ZZEF1: variants seen among roughly 807,000 people sequenced by gnomAD.
ZZEF1 encodes zinc finger ZZ-type and EF-hand domain-containing protein 1.
A neutral mutation model predicts 342.8 loss-of-function variants in ZZEF1; 157 were observed. The ratio of observed to expected loss-of-function variants is 0.46; its 90% CI spans 0.40 to 0.52. The LOEUF is 0.52. Among genes scored for constraint, ZZEF1 ranks in the 20% least tolerant of loss-of-function variants. ZZEF1 has a pLI of 0.00. For synonymous variants in ZZEF1, 1,505 were observed against 1,429.1 expected, an observed-to-expected ratio of 1.05 and a Z score of -1.20; for missense variants, 3,480 against 3,725.6, an observed-to-expected ratio of 0.93 and a Z score of 1.72.
chr17:4,078,590 G>A (rs1483700413), intron 18 of ZZEF1, among the ~76,000 whole-genome samples: 5 of 152,226 alleles, frequency 3.3e-5, no homozygotes, highest in East Asian at 1.9e-4. Context: ...CACAAGCTTC[G>A]GGATGATGGT....
intron 53 of ZZEF1, 111 bp from the exon 54 acceptor site, chr17:4,009,065 G>C: frequency 7.8e-7 from 1 of 1,280,464 alleles, no homozygotes; most frequent in Non-Finnish European, 1.1e-6. Flanking sequence ...ATGGGCGGAC[G>C]CTACTCACGC....
chr17:4,047,897 T>C (rs1468533301), intron 37 of ZZEF1, among the ~76,000 whole-genome samples: 2 of 151,066 alleles, frequency 1.3e-5, no homozygotes, highest in African/African-American at 2.4e-5. Flanking sequence ...GCCAAGATCA[T>C]ACCACTGCAC....
intron 2 of ZZEF1, among the ~76,000 whole-genome samples, chr17:4,122,379 T>G (rs1221597473): frequency 2.0e-5 from 3 of 151,932 alleles, no homozygotes; most frequent in African/African-American, 4.8e-5. Context: ...GCCATGTCTT[T>G]TCTTTTTTTT....
At chr17:4,099,010 G>A (rs1266976811) in intron 9 of ZZEF1, among the ~76,000 whole-genome samples, 1 of 152,166 alleles carries the variant, frequency 6.6e-6, no homozygotes, top group Non-Finnish European at 1.5e-5. Context: ...AAAGTTAAGT[G>A]ATAAATCAGC....
At position 4,056,202 on chromosome 17, in the gene ZZEF1, T is replaced by G; in HGVS notation, c.5295+14A>C. The G allele has an allele frequency of 6.4e-7, 1 of 1,568,958 alleles. No individual in the cohort carries two copies. Among genetic ancestry groups the G allele is most frequent in the Non-Finnish European group, 8.6e-7 (1 of 1,157,460 alleles). The stretch of plus-strand genomic sequence containing the variant: ...AGCAAATCACTTCAGAGTACTCTAG[T>G]TGAGAGGTCTTACTTTCCTCTGCTT... On this transcript the variant is annotated intron_variant, in intron 33 of 54. Coordinates refer to ENST00000381638, the MANE Select transcript of ZZEF1 (RefSeq NM_015113.4).
At position 4,088,562 on chromosome 17, in the gene ZZEF1, A is replaced by G. The variant is rs368500834; in HGVS notation, c.2241+116T>C. 78 of 1,081,228 alleles carry G rather than the reference A, an allele frequency of 7.2e-5. No homozygotes were observed. In the East Asian group the frequency reaches 1.0e-3, roughly 14 times the overall value. The allele number at this position is 1,081,228 out of a possible 1,614,324, so 67.0% of individuals were successfully genotyped here. ...CTTTTCATGTCCCTGCAGCAGTACA[A>G]TGCCCATCCTATTGGCTTCCGCAGG... On this transcript the variant is annotated intron_variant, in intron 13 of 54. Transcript: ENST00000381638.
Position 4,095,835 on chromosome 17 carries a change from T to C in ZZEF1, c.1909A>G (p.Ser637Gly), listed in dbSNP as rs1432245504. 2 of 1,606,214 alleles carry C rather than the reference T, an allele frequency of 1.2e-6. No individual in the cohort carries two copies. Among genetic ancestry groups the C allele is most frequent in the East Asian group, 2.2e-5 (1 of 44,796 alleles). The change falls in exon 11 of 55, where the codon AGC becomes GGC. Residue 637 changes from serine (S) to glycine (G), a missense_variant. By Grantham distance (56) the Ser-to-Gly change is moderately conservative. Around this residue, in one of 5 missense-constraint regions of ZZEF1, gnomAD observed 1,528 missense variants for 1,624.1 expected, o/e 0.94. Transcript: ENST00000381638. ...AAAGATTTTTTACCTTCTTACCTGC[T>C]TTTTACAAATTGCCTGAGCTCCTGA... ...KLQELRQFVK[S>G]RIGCSSDDLG...
At chr17:4,103,806 GGTA>G (rs2058165864) in intron 8 of ZZEF1, among the ~76,000 whole-genome samples, 1 of 152,184 alleles carries the variant, frequency 6.6e-6, no homozygotes, top group African/African-American at 2.4e-5. Flanking sequence ...TGTGGTCCCA[GGTA>G]CTCGGGAGAG....
At position 4,077,004 on chromosome 17, in the gene ZZEF1, A is replaced by C; in HGVS notation, c.2990-15T>G. The C allele has an allele frequency of 1.9e-6, 3 of 1,602,378 alleles. No homozygotes were observed. ...CTGGCCCACATCTACCGAAACAAAG[A>C]AAATAATTAATATATTATATAGTAG... On this transcript the variant is annotated splice_polypyrimidine_tract_variant and intron_variant, in intron 19 of 54. Transcript: ENST00000381638.
At chr17:4,126,908 A>G (rs61188230) in intron 1 of ZZEF1, among the ~76,000 whole-genome samples, 13 of 152,128 alleles carry the variant, frequency 8.5e-5, no homozygotes, top group Admixed American at 5.9e-4. Context: ...TGGAGGTTGC[A>G]GTGAGCCAAA....
intron 11 of ZZEF1, among the ~76,000 whole-genome samples, chr17:4,092,612 T>C (rs1275489400): frequency 6.6e-6 from 1 of 152,138 alleles, no homozygotes; most frequent in Admixed American, 6.6e-5. Flanking sequence ...CCCGGCAAAA[T>C]GTCCCTTCTT....
chr17:4,063,931 T>A (rs1336944420), intron 29 of ZZEF1, among the ~76,000 whole-genome samples: 1 of 152,084 alleles, frequency 6.6e-6, no homozygotes. Flanking sequence ...TTTCACCATG[T>A]TGGCCAGGCA....
intron 9 of ZZEF1, 120 bp downstream of exon 9, chr17:4,102,197 T>A (rs1450049728): frequency 2.3e-6 from 2 of 856,224 alleles, no homozygotes; most frequent in African/African-American, 3.4e-5. Flanking sequence ...CACTGCCAAC[T>A]GAGAAACAAC....
intron 39 of ZZEF1, among the ~76,000 whole-genome samples, chr17:4,041,169 C>G (rs980811433): frequency 1.3e-5 from 2 of 152,180 alleles, no homozygotes; most frequent in Non-Finnish European, 2.9e-5. Flanking sequence ...CCGGCCAATT[C>G]ATCCAGGTGA....
At position 4,004,786 on chromosome 17, in the gene ZZEF1, T is replaced by TCGGCAGCGCCACC. The variant is rs2055768041; in HGVS notation, c.*2103_*2104insGGTGGCGCTGCCG. 6.6e-6 allele frequency: 1 copy of TCGGCAGCGCCACC among 152,236 alleles called. No homozygotes were observed. The highest frequency in any genetic ancestry group is 1.5e-5 in the Non-Finnish European group (1 of 68,046). 9.4% of individuals were successfully genotyped at this position (152,236 alleles called of 1,614,324 possible). A position where few individuals can be genotyped will look rare whatever the true frequency, so the allele number is the denominator to read the frequency against. ...GGAAAGCGCCGGGACGCGGCGGCTC[T>TCGGCAGCGCCACC]GGCTCGGCAGCGCCACCCGGTGGCC... On this transcript the variant is annotated 3_prime_UTR_variant, in exon 55 of 55. Transcript: ENST00000381638.
chr17:4,101,324 G>C (rs2058123275), intron 9 of ZZEF1, among the ~76,000 whole-genome samples: 1 of 152,012 alleles, frequency 6.6e-6, no homozygotes, highest in Non-Finnish European at 1.5e-5. Context: ...AGGAGAACCA[G>C]ACGCAAAGCA....
Position 4,008,457 on chromosome 17 carries a change from A to C in ZZEF1, c.8805+426T>G. The C allele has an allele frequency of 1.1e-6, 1 of 875,382 alleles. No individual in the cohort carries two copies. Among genetic ancestry groups the C allele is most frequent in the Non-Finnish European group, 1.4e-6 (1 of 726,998 alleles). 54.2% of individuals were successfully genotyped at this position (875,382 alleles called of 1,614,324 possible). On this transcript the variant is annotated intron_variant, in intron 54 of 54. Coordinates refer to ENST00000381638, the MANE Select transcript of ZZEF1 (RefSeq NM_015113.4). This position sits in a 1 kb window ranked among gnomAD's most constrained non-coding sequence, Gnocchi z 4.2. Reference sequence around the variant, plus strand: ...AATGGCACATATGGATATATGCATAATAGACATATCCAAAAGCTTTCTGAG... The same window carrying C: ...AATGGCACATATGGATATATGCATACTAGACATATCCAAAAGCTTTCTGAG...
Position 4,006,642 on chromosome 17 carries a change from GC to G in ZZEF1, c.*247del, listed in dbSNP as rs2055806954. The stretch of plus-strand genomic sequence containing the variant: ...GGCTGGTCTCTGAACCTTCTTAAGG[GC>G]CCCCTGCCCACCCTTTCTGAGGCAT... On this transcript the variant is annotated 3_prime_UTR_variant, in exon 55 of 55. Transcript: ENST00000381638. 1.5e-5 allele frequency: 8 copies of G among 537,070 alleles called. No homozygotes were observed. The Admixed American group carries it at 2.5e-4, about 17-fold the overall frequency. The allele number at this position is 537,070 out of a possible 1,614,324, so 33.3% of individuals were successfully genotyped here.
rs975126893 is a variant in ZZEF1, at chr17:4,086,632, G to A, written c.2366C>T (p.Ala789Val). Residue 789 changes from alanine (A) to valine (V), a missense_variant, in exon 15 of 55, where the codon GCC becomes GTC. Physicochemically the swap from Ala to Val is moderately conservative, Grantham distance 64. This residue lies in a region of ZZEF1 where 1,528 missense variants were observed against 1,624.1 expected (regional missense o/e 0.94). Coordinates refer to ENST00000381638, the MANE Select transcript of ZZEF1 (RefSeq NM_015113.4). ...GAGTAGCTGCAGAAGCAGGGTTTGG[G>A]CAGAGACGCATTCTTCCCTCGGGCT... is the stretch of plus-strand genomic sequence containing the variant. Reference protein sequence around the residue: ...KQNPREECVSAQTLLLQLLQS... With the variant: ...KQNPREECVSVQTLLLQLLQS... The A allele has an allele frequency of 6.2e-7, 1 of 1,614,012 alleles. No homozygotes were observed. The highest frequency in any genetic ancestry group is 1.7e-5 in the Admixed American group (1 of 60,022).
Sources: gnomAD v4.1 joint callset for allele counts (sites outside exome capture counted in the v4.1 genomes callset) on GRCh38, gnomAD v4.1.1 for gene constraint, gnomAD v4.1.1 regional missense constraint, Gnocchi (gnomAD v3.1) non-coding constraint, MANE v1.5 for transcripts, NCBI Gene and HGNC (gene_info 2026-07-23, HGNC 2026-07-21) for gene names.